The following RSRC1 variants were observed in gnomAD, a reference collection of about 807,000 sequenced individuals.
RSRC1 encodes the protein arginine and serine rich coiled-coil 1, also known as serine/Arginine-related protein 53.
Under a neutral mutation model 49.1 loss-of-function variants are expected in RSRC1, and 39 were observed. The observed-to-expected ratio is 0.79, with a 90% confidence interval of 0.61 to 1.04. RSRC1 has a LOEUF of 1.04. Among genes scored for constraint, RSRC1 ranks in the 50% least tolerant of loss-of-function variants. The probability of loss-of-function intolerance (pLI) is 0.00; values close to 1 mark genes in which losing one functional copy is unlikely to be tolerated. For synonymous variants in RSRC1, 143 were observed against 130.8 expected (o/e 1.09, Z -0.63); for missense variants, 388 against 402.4 (o/e 0.96, Z 0.31).
chr3:158,252,914 T>C (rs532390055), intron 4 of RSRC1, among the ~76,000 whole-genome samples: 2 of 152,248 alleles, frequency 1.3e-5, no homozygotes, highest in South Asian at 4.1e-4. Flanking sequence ...TAAATGTCTG[T>C]GGTATCAGTT....
At chr3:158,507,475 A>C (rs149250694) in intron 7 of RSRC1, among the ~76,000 whole-genome samples, 22 of 152,270 alleles carry the variant, frequency 1.4e-4, no homozygotes, top group African/African-American at 5.1e-4. Context: ...ACATGTATCA[A>C]AATAGCACAG....
intron 6 of RSRC1, among the ~76,000 whole-genome samples, chr3:158,444,840 G>A (rs923214903): frequency 1.4e-4 from 22 of 152,088 alleles, no homozygotes; most frequent in African/African-American, 4.3e-4. Context: ...ACAAATGGGC[G>A]AAGGATATGA....
intron 6 of RSRC1, among the ~76,000 whole-genome samples, chr3:158,434,807 T>C (rs1282611269): frequency 6.6e-6 from 1 of 151,988 alleles, no homozygotes; most frequent in African/African-American, 2.4e-5. Flanking sequence ...ATATGAATAC[T>C]TATGCTCAAT....
intron 3 of RSRC1, among the ~76,000 whole-genome samples, chr3:158,154,737 C>T (rs1341888359): frequency 1.3e-5 from 2 of 152,166 alleles, no homozygotes; most frequent in Non-Finnish European, 2.9e-5. Context: ...TGCTCGATTA[C>T]AGGCGTGAGC....
intron 3 of RSRC1, among the ~76,000 whole-genome samples, chr3:158,153,690 A>T (rs1280972767): frequency 2.6e-5 from 4 of 152,314 alleles, no homozygotes; most frequent in African/African-American, 9.6e-5. Flanking sequence ...GCATCTGAAT[A>T]GGTGTGATGT....
chr3:158,470,359 C>CATAT (rs1219686437), intron 7 of RSRC1, among the ~76,000 whole-genome samples: 1,010 of 93,222 alleles, frequency 0.011, 4 homozygotes, highest in African/African-American at 0.033. Context: ...CACACACACA[C>CATAT]ACATATATAT....
At chr3:158,389,376 A>G (rs933113272) in intron 6 of RSRC1, among the ~76,000 whole-genome samples, 16 of 152,230 alleles carry the variant, frequency 1.1e-4, no homozygotes, top group African/African-American at 3.1e-4. Context: ...AGTATATTCA[A>G]TTGTGGACAA....
At chr3:158,324,018 T>C (rs1728921235) in intron 5 of RSRC1, among the ~76,000 whole-genome samples, 1 of 152,206 alleles carries the variant, frequency 6.6e-6, no homozygotes, top group South Asian at 2.1e-4. Context: ...CAGTATAGTA[T>C]TGATATTTTC....
chr3:158,285,469 A>G lies in RSRC1; in HGVS notation c.495-12570A>G, dbSNP rs1450088149. Among the ~76,000 whole-genome samples the G allele has an allele frequency of 2.0e-5, 3 of 152,236 alleles. No homozygotes were observed. The East Asian group carries it at 5.8e-4, about 29-fold the overall frequency. ...GCTTGATAGGGATGGCATTGAATCT[A>G]TAAATTTCCTTGGGCTATGGCCATT... On this transcript the variant is annotated intron_variant, in intron 4 of 9. Transcript: ENST00000611884.
chr3:158,258,208 C>CTTTTT (rs71144451), intron 4 of RSRC1, among the ~76,000 whole-genome samples: 1 of 65,766 alleles, frequency 1.5e-5, no homozygotes, highest in Non-Finnish European at 2.7e-5. Context: ...TCCTTTTAAC[C>CTTTTT]TTTTTTTTTT....
chr3:158,255,962 C>T (rs1724525484), intron 4 of RSRC1, among the ~76,000 whole-genome samples: 1 of 152,098 alleles, frequency 6.6e-6, no homozygotes, highest in Non-Finnish European at 1.5e-5. Flanking sequence ...AGATTTTGGG[C>T]TGAGACAATG....
At position 158,313,092 on chromosome 3, in the gene RSRC1, A is replaced by G. The variant is rs528858020; in HGVS notation, c.531+15017A>G. Among the ~76,000 whole-genome samples the G allele has an allele frequency of 2.0e-5, 3 of 152,200 alleles. No homozygotes were observed. The East Asian group carries it at 5.8e-4, about 29-fold the overall frequency. On this transcript the variant is annotated intron_variant, in intron 5 of 9. Coordinates refer to ENST00000611884, the MANE Select transcript of RSRC1 (RefSeq NM_001271838.2). ...CCTTTGTTCAAAATATGGTATACCA[A>G]CAACCTCCCCCCTCCCCTCACCCCT...
At chr3:158,403,553 A>C (rs1012791228) in intron 6 of RSRC1, among the ~76,000 whole-genome samples, 7 of 151,844 alleles carry the variant, frequency 4.6e-5, no homozygotes, top group African/African-American at 1.7e-4. Flanking sequence ...AAAATTTAGC[A>C]GTTTTATGCC....
At chr3:158,490,734 G>C (rs571583573) in intron 7 of RSRC1, among the ~76,000 whole-genome samples, 1 of 152,280 alleles carries the variant, frequency 6.6e-6, no homozygotes, top group African/African-American at 2.4e-5. Context: ...TGAATGGAGA[G>C]AAATTTGTGC....
chr3:158,185,988 G>A (rs1719903599), intron 3 of RSRC1, among the ~76,000 whole-genome samples: 1 of 151,880 alleles, frequency 6.6e-6, no homozygotes. Context: ...GTTATGGTAT[G>A]TGTATCTGTT....
At chr3:158,452,472 G>A (rs1388629450) in intron 6 of RSRC1, among the ~76,000 whole-genome samples, 1 of 152,138 alleles carries the variant, frequency 6.6e-6, no homozygotes, top group African/African-American at 2.4e-5. Flanking sequence ...ATCCAATAAA[G>A]TTTACACATA....
intron 5 of RSRC1, among the ~76,000 whole-genome samples, chr3:158,304,924 AATGTTAATGTC>A (rs1302932582): frequency 3.3e-5 from 5 of 152,262 alleles, no homozygotes; most frequent in Non-Finnish European, 5.9e-5. Flanking sequence ...ATGTGGATAA[AATGTTAATGTC>A]ATGTTAATGT....
At chr3:158,497,538 G>GC (rs1290399938) in intron 7 of RSRC1, among the ~76,000 whole-genome samples, 2 of 151,608 alleles carry the variant, frequency 1.3e-5, no homozygotes, top group African/African-American at 4.9e-5. Flanking sequence ...CCGGGTTCAA[G>GC]CAATTCTCCT....
chr3:158,508,230 A>G (rs542504877), intron 7 of RSRC1, among the ~76,000 whole-genome samples: 1 of 152,278 alleles, frequency 6.6e-6, no homozygotes, highest in East Asian at 1.9e-4. Flanking sequence ...GGCTATGATG[A>G]TCAGTTGTCT....
Sources: allele counts gnomAD v4.1 joint callset (sites outside exome capture counted in the v4.1 genomes callset), GRCh38; gene constraint gnomAD v4.1.1; transcripts MANE v1.5; gene names NCBI Gene and HGNC (gene_info 2026-07-23, HGNC 2026-07-21).